The following DNAH6 variants were observed in gnomAD, a reference collection of about 807,000 sequenced individuals.
The protein encoded by DNAH6 is axonemal beta dynein heavy chain 6.
In DNAH6, 340 loss-of-function variants were observed where a neutral mutation model predicts 491.4. That is an observed-to-expected ratio of 0.69 (90% CI 0.63 to 0.76). The LOEUF (loss-of-function observed/expected upper bound fraction) is 0.76, where lower values mean the gene tolerates loss of function less well. DNAH6 is among the 30% of genes least tolerant of loss of function. The pLI is 0.00. For synonymous variants in DNAH6, 1,603 were observed against 1,686.1 expected, an observed-to-expected ratio of 0.95 and a Z score of 1.21; for missense variants, 4,443 against 4,972.2, an observed-to-expected ratio of 0.89 and a Z score of 3.20.
At chr2:84,640,690 C>A in intron 32 of DNAH6, 112 bp downstream of exon 32, 1 of 1,045,956 alleles carries the variant, frequency 9.6e-7, no homozygotes, top group Non-Finnish European at 1.4e-6. Flanking sequence ...ATGTTGGCTG[C>A]TGCTGTTGTC....
intron 2 of DNAH6, among the ~76,000 whole-genome samples, chr2:84,522,264 G>C (rs1277236568): frequency 4.0e-5 from 6 of 151,858 alleles, no homozygotes; most frequent in Admixed American, 3.9e-4. Context: ...TTTCTTATTT[G>C]GCTCTTGGCT....
chr2:84,592,534 G>C (rs907041443), intron 16 of DNAH6, among the ~76,000 whole-genome samples: 2 of 152,140 alleles, frequency 1.3e-5, no homozygotes, highest in Non-Finnish European at 2.9e-5. Flanking sequence ...ACAGCATGGT[G>C]GTTCCTCAAA....
intron 24 of DNAH6, among the ~76,000 whole-genome samples, 176 bp downstream of exon 24, chr2:84,620,080 G>A (rs1558807403): frequency 6.6e-6 from 1 of 152,114 alleles, no homozygotes; most frequent in Non-Finnish European, 1.5e-5. Flanking sequence ...ACAAACAACT[G>A]AAAATCACCA....
chr2:84,529,245 TTAA>T (rs1177652211), intron 4 of DNAH6, 79 bp downstream of exon 4: 15 of 1,080,714 alleles, frequency 1.4e-5, no homozygotes, highest in Middle Eastern at 3.1e-4. Flanking sequence ...TGATTGGATA[TTAA>T]TAATAACAAT....
chr2:84,720,869 A>G (rs565021788), intron 59 of DNAH6, among the ~76,000 whole-genome samples: 1 of 152,272 alleles, frequency 6.6e-6, no homozygotes, highest in Admixed American at 6.5e-5. Context: ...ATCTTTATCT[A>G]TAAGCTGGTT....
intron 76 of DNAH6, among the ~76,000 whole-genome samples, chr2:84,816,887 G>C (rs1680537996): frequency 6.6e-6 from 1 of 152,040 alleles, no homozygotes; most frequent in Non-Finnish European, 1.5e-5. Flanking sequence ...AGAATGAACT[G>C]GGAAAATCGC....
intron 52 of DNAH6, 37 bp from the exon 53 acceptor site, chr2:84,706,859 T>C: frequency 6.6e-7 from 1 of 1,514,644 alleles, no homozygotes; most frequent in African/African-American, 1.4e-5. Context: ...CAGCCTTTTT[T>C]TGGCCCTGTT....
chr2:84,732,822 AG>A (rs1699233442), intron 61 of DNAH6, among the ~76,000 whole-genome samples: 1 of 152,250 alleles, frequency 6.6e-6, no homozygotes, highest in Non-Finnish European at 1.5e-5. Context: ...AAGGAACCTC[AG>A]GCAAATATTC....
chr2:84,624,373 G>C lies in DNAH6; in HGVS notation c.4180G>C (p.Glu1394Gln), dbSNP rs1330897918. ...IDVHARDIVT[E>Q]LVQSKVETVE... ...TGTGCATGCAAGAGATATAGTCACT[G>C]AACTTGTTCAATCCAAGGTAACTGT... The change falls in exon 27 of 77, where the codon GAA (glutamate) becomes CAA (glutamine). Residue 1394 changes from glutamate to glutamine, a missense_variant. Coordinates refer to ENST00000389394, the MANE Select transcript of DNAH6 (RefSeq NM_001370.2). 2 of 1,550,426 alleles carry C rather than the reference G, an allele frequency of 1.3e-6. No homozygotes were observed. The highest frequency in any genetic ancestry group is 2.7e-5 in the African/African-American group (2 of 73,008).
chr2:84,528,965 T>C lies in DNAH6; in HGVS notation c.461T>C (p.Ile154Thr), dbSNP rs554759139. The C allele has an allele frequency of 2.5e-4, 388 of 1,551,050 alleles. No homozygotes were observed. The highest frequency in any genetic ancestry group is 3.3e-4 in the Non-Finnish European group (375 of 1,146,650). The change falls in exon 4 of 77, where the codon ATT (isoleucine) becomes ACT (threonine). Residue 154 changes from isoleucine (I) to threonine (T), a missense_variant. By Grantham distance (89) the Ile-to-Thr change is moderately conservative. Coordinates refer to ENST00000389394, the MANE Select transcript of DNAH6 (RefSeq NM_001370.2). Reference protein sequence around the residue: ...PSPPKLPHTGIGKRGLFGTRS... With the variant: ...PSPPKLPHTGTGKRGLFGTRS... The stretch of plus-strand genomic sequence containing the variant: ...CCTCCTAAACTGCCACATACTGGTA[T>C]TGGAAAAAGAGGTCTCTTTGGGACT...
chr2:84,549,816 C>A, intron 8 of DNAH6, 73 bp from the exon 9 acceptor site: 2 of 1,055,784 alleles, frequency 1.9e-6, no homozygotes, highest in East Asian at 2.5e-5. Context: ...TAAATATTTG[C>A]TTTAGAGACA....
chr2:84,632,204 C>T (rs928256892), intron 29 of DNAH6, among the ~76,000 whole-genome samples: 1 of 152,192 alleles, frequency 6.6e-6, no homozygotes, highest in Admixed American at 6.5e-5. Context: ...TTGTTTGGCA[C>T]CCTGGAGGTT....
intron 64 of DNAH6, among the ~76,000 whole-genome samples, chr2:84,773,194 T>C (rs1185761093): frequency 6.6e-6 from 1 of 152,024 alleles, no homozygotes; most frequent in Non-Finnish European, 1.5e-5. Flanking sequence ...TAATACCCAA[T>C]AGTTAGTTTT....
chr2:84,554,123 C>T (rs1218315128), intron 10 of DNAH6, among the ~76,000 whole-genome samples: 1 of 152,158 alleles, frequency 6.6e-6, no homozygotes, highest in African/African-American at 2.4e-5. Context: ...TACAATATGG[C>T]CATTCACTTC....
intron 45 of DNAH6, among the ~76,000 whole-genome samples, chr2:84,689,951 C>T (rs1391252477): frequency 1.3e-5 from 2 of 152,202 alleles, no homozygotes; most frequent in East Asian, 1.9e-4. Context: ...TTAGCTTTAT[C>T]TTCTCCAGGC....
At chr2:84,537,960 T>C (rs190928332) in intron 4 of DNAH6, among the ~76,000 whole-genome samples, 95 of 152,230 alleles carry the variant, frequency 6.2e-4, no homozygotes, top group Admixed American at 2.5e-3. Flanking sequence ...AACTATAGTA[T>C]ATGCCAAATC....
intron 18 of DNAH6, among the ~76,000 whole-genome samples, chr2:84,601,113 A>G (rs1685204022): frequency 6.6e-6 from 1 of 150,516 alleles, no homozygotes; most frequent in African/African-American, 2.4e-5. Context: ...GAGTCAGGAA[A>G]TATACAAGAT....
At chr2:84,530,208 T>C (rs1468564496) in intron 4 of DNAH6, among the ~76,000 whole-genome samples, 1 of 151,980 alleles carries the variant, frequency 6.6e-6, no homozygotes, top group Non-Finnish European at 1.5e-5. Flanking sequence ...CATGAGTAAA[T>C]TATGCAGAAT....
chr2:84,639,118 C>T (rs1573319997), intron 31 of DNAH6, among the ~76,000 whole-genome samples: 1 of 152,212 alleles, frequency 6.6e-6, no homozygotes, highest in East Asian at 1.9e-4. Flanking sequence ...ATGCTTACAG[C>T]AGCTCAGGGG....
Sources: gnomAD v4.1 joint callset for allele counts (sites outside exome capture counted in the v4.1 genomes callset) on GRCh38, gnomAD v4.1.1 for gene constraint, MANE v1.5 for transcripts, NCBI Gene and HGNC (gene_info 2026-07-23, HGNC 2026-07-21) for gene names.